The following DEUP1 variants were observed in gnomAD, a reference collection of about 807,000 sequenced individuals.
The protein encoded by DEUP1 is coiled-coil domain containing 67.
In DEUP1, 82 loss-of-function variants were observed where a neutral mutation model predicts 87.4. The ratio of observed to expected loss-of-function variants is 0.94; its 90% CI spans 0.78 to 1.13. DEUP1 has a LOEUF of 1.13. Among genes scored for constraint, DEUP1 ranks in the 50% most tolerant of loss-of-function variants. The probability of loss-of-function intolerance (pLI) is 0.00; values close to 1 mark genes in which losing one functional copy is unlikely to be tolerated. For synonymous variants in DEUP1, 214 were observed against 222.7 expected, an observed-to-expected ratio of 0.96 and a Z score of 0.35; for missense variants, 663 against 681.5, an observed-to-expected ratio of 0.97 and a Z score of 0.30.
intron 7 of DEUP1, chr11:93,383,555 C>G (rs145661416): frequency 1.5e-6 from 1 of 656,918 alleles, no homozygotes; most frequent in African/African-American, 1.8e-5. Flanking sequence ...TGATGTTCAA[C>G]TTTGTGACTA....
chr11:93,415,621 C>T (rs1198025319), intron 13 of DEUP1, among the ~76,000 whole-genome samples: 2 of 151,916 alleles, frequency 1.3e-5, no homozygotes, highest in Non-Finnish European at 2.9e-5. Flanking sequence ...CACTCATGTT[C>T]CCTTCCAGTC....
At chr11:93,409,553 T>C (rs1157319315) in intron 12 of DEUP1, among the ~76,000 whole-genome samples, 1 of 152,174 alleles carries the variant, frequency 6.6e-6, no homozygotes, top group African/African-American at 2.4e-5. Flanking sequence ...CCCAGACATA[T>C]TTGATATCAA....
At chr11:93,377,861 A>G (rs1317270403) in intron 7 of DEUP1, among the ~76,000 whole-genome samples, 1 of 152,130 alleles carries the variant, frequency 6.6e-6, no homozygotes, top group Non-Finnish European at 1.5e-5. Flanking sequence ...TTCATTTATG[A>G]AGCTTAGTTT....
intron 11 of DEUP1, among the ~76,000 whole-genome samples, chr11:93,406,115 T>C (rs1341707194): frequency 6.6e-6 from 1 of 151,982 alleles, no homozygotes; most frequent in Non-Finnish European, 1.5e-5. Flanking sequence ...AAACTTCTTA[T>C]GTTTAATTGA....
chr11:93,333,403 C>T (rs1943585444), intron 2 of DEUP1, among the ~76,000 whole-genome samples: 2 of 152,164 alleles, frequency 1.3e-5, no homozygotes, highest in Admixed American at 1.3e-4. Flanking sequence ...CATGACTGTG[C>T]TCCTTCCATA....
intron 2 of DEUP1, among the ~76,000 whole-genome samples, chr11:93,340,646 G>A (rs530701639): frequency 6.6e-6 from 1 of 152,334 alleles, no homozygotes; most frequent in South Asian, 2.1e-4. Context: ...GGAGATGACA[G>A]TAGATCAGAT....
chr11:93,347,803 G>C (rs1944430966), intron 2 of DEUP1, among the ~76,000 whole-genome samples: 1 of 152,044 alleles, frequency 6.6e-6, no homozygotes, highest in Non-Finnish European at 1.5e-5. Flanking sequence ...GAAGTGGCGT[G>C]ATCTCAGCTC....
chr11:93,389,209 C>G (rs1483060139), intron 9 of DEUP1, 84 bp downstream of exon 9: 1 of 754,796 alleles, frequency 1.3e-6, no homozygotes, highest in East Asian at 2.9e-5. Context: ...TCTTTCTTCT[C>G]ACTCCCTTTG....
intron 5 of DEUP1, among the ~76,000 whole-genome samples, chr11:93,369,572 A>T (rs935575156): frequency 6.6e-6 from 1 of 152,184 alleles, no homozygotes; most frequent in Non-Finnish European, 1.5e-5. Context: ...AAAATTAGAG[A>T]TGGTAAAAAA....
intron 9 of DEUP1, among the ~76,000 whole-genome samples, chr11:93,393,087 C>CTT (rs1228305437): frequency 0.44 from 41,929 of 94,520 alleles, 11,378 homozygotes; most frequent in Admixed American, 0.57. Context: ...CTTCCTCCTT[C>CTT]TTTTTTTTTT....
rs796959012 is a variant in DEUP1 at position 93,397,771 on chromosome 11, A to G, written c.1326+1446A>G. On this transcript the variant is annotated intron_variant, in intron 11 of 13. Coordinates refer to ENST00000298050, the MANE Select transcript of DEUP1 (RefSeq NM_181645.4). ...GCACACATAAGGAGGAGATGGGTTG[A>G]ATGTTCTTTTACAGAAATAAATGTA... 1.8e-4 allele frequency among the ~76,000 whole-genome samples: 28 copies of G among 152,266 alleles called. 1 individual carries two copies. Among genetic ancestry groups the G allele is most frequent in the African/African-American group, 6.7e-4 (28 of 41,550 alleles).
chr11:93,403,872 G>A (rs1055007408), intron 11 of DEUP1, among the ~76,000 whole-genome samples: 2 of 151,770 alleles, frequency 1.3e-5, no homozygotes, highest in Non-Finnish European at 2.9e-5. Flanking sequence ...TTAAATAATT[G>A]GTGCTGAAAT....
intron 2 of DEUP1, among the ~76,000 whole-genome samples, chr11:93,347,697 G>T (rs1034994409): frequency 1.3e-4 from 19 of 151,992 alleles, no homozygotes; most frequent in African/African-American, 4.6e-4. Flanking sequence ...AGAGCCCATT[G>T]TTGGTCTGTT....
At chr11:93,337,267 TCTTTA>T (rs1457458078) in intron 2 of DEUP1, among the ~76,000 whole-genome samples, 1 of 152,206 alleles carries the variant, frequency 6.6e-6, no homozygotes, top group Non-Finnish European at 1.5e-5. Context: ...ATATTAATCA[TCTTTA>T]CTTTACTTAC....
At chr11:93,388,963 G>C in intron 8 of DEUP1, 57 bp from the exon 9 acceptor site, 1 of 960,840 alleles carries the variant, frequency 1.0e-6, no homozygotes, top group Non-Finnish European at 1.6e-6. Flanking sequence ...CAATATAATC[G>C]TTACAATTTA....
chr11:93,386,119 G>T (rs1357255893), intron 8 of DEUP1, among the ~76,000 whole-genome samples: 2 of 151,876 alleles, frequency 1.3e-5, no homozygotes, highest in Non-Finnish European at 2.9e-5. Context: ...AGAGAAATAA[G>T]ATTTATTCTA....
At position 93,370,189 on chromosome 11, in the gene DEUP1, A is replaced by G. The variant is rs757728297; in HGVS notation, c.546+3A>G. ...CTGAGAAGTGTAATCAGTTTCAGGTAAGTTATCTAATACTATTCTCTAAAT... is the reference window on the plus strand; with the variant it reads ...CTGAGAAGTGTAATCAGTTTCAGGTGAGTTATCTAATACTATTCTCTAAAT... On this transcript the variant is annotated splice_donor_region_variant and intron_variant, in intron 6 of 13. Transcript: ENST00000298050. The G allele has an allele frequency of 2.2e-6, 3 of 1,384,106 alleles. No individual in the cohort carries two copies. The highest frequency in any genetic ancestry group is 3.1e-6 in the Non-Finnish European group (3 of 980,450). The allele number at this position is 1,384,106 out of a possible 1,614,324, so 85.7% of individuals were successfully genotyped here. A position where few individuals can be genotyped will look rare whatever the true frequency, so the allele number is the denominator to read the frequency against.
intron 11 of DEUP1, among the ~76,000 whole-genome samples, chr11:93,401,828 C>G (rs1474282117): frequency 6.6e-6 from 1 of 151,934 alleles, no homozygotes; most frequent in Non-Finnish European, 1.5e-5. Flanking sequence ...AACTAGACTC[C>G]TATCTCTCAC....
intron 7 of DEUP1, among the ~76,000 whole-genome samples, chr11:93,379,752 A>G (rs1946210475): frequency 1.1e-5 from 1 of 87,998 alleles, no homozygotes; most frequent in Non-Finnish European, 2.6e-5. Context: ...AGGGGCTTAC[A>G]TGCACACCTG....
Sources: allele counts gnomAD v4.1 joint callset (sites outside exome capture counted in the v4.1 genomes callset), GRCh38; gene constraint gnomAD v4.1.1; transcripts MANE v1.5; gene names NCBI Gene and HGNC (gene_info 2026-07-23, HGNC 2026-07-21).